CNTN4: variants seen among roughly 807,000 people sequenced by gnomAD.
CNTN4 encodes contactin 4.
CNTN4 carries 77 observed loss-of-function variants against 122.5 expected under a neutral mutation model. The observed-to-expected ratio is 0.63, with a 90% CI of 0.52 to 0.76. CNTN4 has a LOEUF of 0.76. CNTN4 is among the 30% of genes least tolerant of loss of function. The pLI, the probability that CNTN4 is intolerant of heterozygous loss-of-function variation, is 0.00. For synonymous variants in CNTN4, 512 were observed against 447.0 expected, an observed-to-expected ratio of 1.15 and a Z score of -1.83; for missense variants, 1,256 against 1,259.1, an observed-to-expected ratio of 1.00 and a Z score of 0.04.
At chr3:2,220,687 G>T (rs1322853309) in intron 2 of CNTN4, among the ~76,000 whole-genome samples, 10 of 152,006 alleles carry the variant, frequency 6.6e-5, no homozygotes, top group Non-Finnish European at 1.2e-4. Flanking sequence ...TCTCCTCATT[G>T]TTGTGATAAT....
chr3:2,744,093 GC>G (rs1559455530), intron 5 of CNTN4, among the ~76,000 whole-genome samples: 1 of 152,202 alleles, frequency 6.6e-6, no homozygotes, highest in Non-Finnish European at 1.5e-5. Context: ...GAGATTACAG[GC>G]GTGAGCCACC....
chr3:2,543,514 T>C (rs1046750204), intron 3 of CNTN4, among the ~76,000 whole-genome samples: 1 of 152,080 alleles, frequency 6.6e-6, no homozygotes, highest in Non-Finnish European at 1.5e-5. Flanking sequence ...CACTGGACTC[T>C]GCTGTGCATT....
chr3:2,395,653 T>C (rs2046614822), intron 3 of CNTN4, among the ~76,000 whole-genome samples: 1 of 152,126 alleles, frequency 6.6e-6, no homozygotes, highest in Admixed American at 6.5e-5. Flanking sequence ...TTTATGTCCA[T>C]GTGCACCCAG....
At chr3:2,436,022 T>C (rs2048246080) in intron 3 of CNTN4, among the ~76,000 whole-genome samples, 2 of 152,172 alleles carry the variant, frequency 1.3e-5, no homozygotes, top group South Asian at 4.1e-4. Flanking sequence ...AGACCCTTAG[T>C]AAATGTCTGT....
At chr3:2,706,605 A>G (rs1241525601) in intron 4 of CNTN4, among the ~76,000 whole-genome samples, 1 of 152,148 alleles carries the variant, frequency 6.6e-6, no homozygotes, top group East Asian at 1.9e-4. Context: ...TGAAAAATGC[A>G]ACAGTTTGTT....
Position 2,615,311 on chromosome 3 carries a change from T to C in CNTN4, c.55+43753T>C, listed in dbSNP as rs576285147. On this transcript the variant is annotated intron_variant, in intron 4 of 24. Coordinates refer to ENST00000418658, the MANE Select transcript of CNTN4 (RefSeq NM_175607.3). ...CTAATTAACAAGCAACCAGTCAGCATTTTGAGCAGAAGTTGGTGACTTTCA... is the reference window on the plus strand; with the variant it reads ...CTAATTAACAAGCAACCAGTCAGCACTTTGAGCAGAAGTTGGTGACTTTCA... Among the ~76,000 whole-genome samples the C allele has an allele frequency of 3.3e-5, 5 of 152,352 alleles. 1 individual carries two copies. Among genetic ancestry groups the C allele is most frequent in the African/African-American group, 1.2e-4 (5 of 41,588 alleles).
At chr3:2,501,504 T>G (rs2076593268) in intron 3 of CNTN4, among the ~76,000 whole-genome samples, 1 of 152,172 alleles carries the variant, frequency 6.6e-6, no homozygotes, top group African/African-American at 2.4e-5. Flanking sequence ...GGGAAAATTG[T>G]TTTCTTACCT....
intron 13 of CNTN4, among the ~76,000 whole-genome samples, chr3:2,948,548 C>A (rs1419725181): frequency 6.6e-6 from 1 of 152,070 alleles, no homozygotes; most frequent in Non-Finnish European, 1.5e-5. Context: ...AATCCTGTAT[C>A]CATATCTTTG....
At chr3:2,879,495 A>T (rs2093882533) in intron 8 of CNTN4, among the ~76,000 whole-genome samples, 1 of 152,230 alleles carries the variant, frequency 6.6e-6, no homozygotes, top group Non-Finnish European at 1.5e-5. Flanking sequence ...CCTACAGTGG[A>T]ATATTATTCT....
intron 3 of CNTN4, among the ~76,000 whole-genome samples, chr3:2,393,087 C>T (rs910863626): frequency 5.3e-5 from 8 of 152,120 alleles, no homozygotes; most frequent in Non-Finnish European, 8.8e-5. Context: ...AGCCACTGTT[C>T]CATCCTATTC....
chr3:2,656,697 T>C (rs2150242436), intron 4 of CNTN4, among the ~76,000 whole-genome samples: 1 of 152,362 alleles, frequency 6.6e-6, no homozygotes, highest in South Asian at 2.1e-4. Context: ...TCTGAATGTG[T>C]ATGCAGTACT....
chr3:2,561,754 G>A (rs1056106101), intron 3 of CNTN4, among the ~76,000 whole-genome samples: 2 of 152,192 alleles, frequency 1.3e-5, no homozygotes, highest in Non-Finnish European at 2.9e-5. Context: ...GTAGAGCTGG[G>A]ATTTAAACCT....
intron 6 of CNTN4, among the ~76,000 whole-genome samples, chr3:2,762,583 G>C (rs113909213): frequency 6.6e-6 from 1 of 152,056 alleles, no homozygotes; most frequent in Non-Finnish European, 1.5e-5. Flanking sequence ...TCATTGATGC[G>C]CTTTTAGGTT....
chr3:2,790,172 T>C (rs2091964407), intron 6 of CNTN4, among the ~76,000 whole-genome samples: 1 of 152,188 alleles, frequency 6.6e-6, no homozygotes, highest in Non-Finnish European at 1.5e-5. Flanking sequence ...ACACTGTAAG[T>C]GGTGAAGTTA....
chr3:2,236,056 G>A (rs932436443), intron 2 of CNTN4, among the ~76,000 whole-genome samples: 3 of 152,112 alleles, frequency 2.0e-5, no homozygotes, highest in Non-Finnish European at 2.9e-5. Flanking sequence ...TGAGTTTTGA[G>A]GGATGTTAAG....
intron 2 of CNTN4, among the ~76,000 whole-genome samples, chr3:2,270,427 T>A (rs1185284659): frequency 6.6e-6 from 1 of 150,716 alleles, no homozygotes; most frequent in Non-Finnish European, 1.5e-5. Context: ...GGGAATGAGG[T>A]TGTTCTTAGA....
chr3:2,153,594 A>G, intron 2 of CNTN4, among the ~76,000 whole-genome samples: 1 of 152,210 alleles, frequency 6.6e-6, no homozygotes, highest in East Asian at 1.9e-4. Context: ...GGAGACAGAA[A>G]TGAAATGAAA....
intron 7 of CNTN4, among the ~76,000 whole-genome samples, chr3:2,831,254 T>A (rs2093098553): frequency 6.6e-6 from 1 of 152,206 alleles, no homozygotes; most frequent in South Asian, 2.1e-4. Context: ...GAGGAAGTGA[T>A]TTACTGGAGT....
intron 2 of CNTN4, among the ~76,000 whole-genome samples, chr3:2,305,591 C>T (rs1321449007): frequency 1.3e-5 from 2 of 152,120 alleles, no homozygotes; most frequent in African/African-American, 4.8e-5. Flanking sequence ...AATTCATATA[C>T]TATACTTTGA....
Sources: allele counts gnomAD v4.1 joint callset (sites outside exome capture counted in the v4.1 genomes callset), GRCh38; gene constraint gnomAD v4.1.1; transcripts MANE v1.5; gene names NCBI Gene and HGNC (gene_info 2026-07-23, HGNC 2026-07-21).